The following ANKRD12 variants were observed in gnomAD, a reference collection of about 807,000 sequenced individuals.
ANKRD12 encodes ankyrin repeat domain 12, also known as ankyrin repeat domain-containing protein 12.
Under a neutral mutation model 183.4 loss-of-function variants are expected in ANKRD12, and 85 were observed. That is an observed-to-expected ratio of 0.46 (90% CI 0.39 to 0.56). The LOEUF (loss-of-function observed/expected upper bound fraction) is 0.56, where lower values mean the gene tolerates loss of function less well. Among genes scored for constraint, ANKRD12 ranks in the 20% least tolerant of loss-of-function variants. The probability of loss-of-function intolerance (pLI) is 0.00; values close to 1 mark genes in which losing one functional copy is unlikely to be tolerated. For missense variants in ANKRD12, 2,405 were observed against 2,357.1 expected, an observed-to-expected ratio of 1.02 and a Z score of -0.42; for synonymous variants, 914 against 800.2, an observed-to-expected ratio of 1.14 and a Z score of -2.40.
intron 1 of ANKRD12, among the ~76,000 whole-genome samples, chr18:9,155,347 C>T (rs1296025771): frequency 6.6e-6 from 1 of 152,090 alleles, no homozygotes; most frequent in East Asian, 1.9e-4. Flanking sequence ...AAAAATGCGC[C>T]ATAATTTGTT....
intron 8 of ANKRD12, among the ~76,000 whole-genome samples, chr18:9,226,012 G>C (rs1305747191): frequency 6.6e-6 from 1 of 152,092 alleles, no homozygotes; most frequent in Non-Finnish European, 1.5e-5. Flanking sequence ...TTTCATTAGA[G>C]TTTAAATTTT....
chr18:9,219,432 A>G (rs1463379112), intron 7 of ANKRD12, among the ~76,000 whole-genome samples: 2 of 152,214 alleles, frequency 1.3e-5, no homozygotes, highest in Non-Finnish European at 1.5e-5. Flanking sequence ...TAGACCCACA[A>G]GGGCAAAGAA....
intron 1 of ANKRD12, among the ~76,000 whole-genome samples, chr18:9,174,833 A>G (rs2033104792): frequency 8.3e-6 from 1 of 121,030 alleles, no homozygotes; most frequent in Non-Finnish European, 1.9e-5. Context: ...ACAGGTGGAA[A>G]CTGAGGAATA....
At chr18:9,275,742 C>A in intron 11 of ANKRD12, 75 bp downstream of exon 11, 1 of 1,357,272 alleles carries the variant, frequency 7.4e-7, no homozygotes, top group Non-Finnish European at 9.8e-7. Context: ...AATCTATTTC[C>A]ATAGAAAGAA....
intron 1 of ANKRD12, among the ~76,000 whole-genome samples, chr18:9,145,452 A>G (rs899228476): frequency 6.6e-6 from 1 of 152,234 alleles, no homozygotes; most frequent in African/African-American, 2.4e-5. Flanking sequence ...TCAGGAAACA[A>G]AATACACACA....
chr18:9,174,097 G>C (rs1466374992), intron 1 of ANKRD12, among the ~76,000 whole-genome samples: 1 of 152,234 alleles, frequency 6.6e-6, no homozygotes, highest in African/African-American at 2.4e-5. Context: ...TGGCACAGCA[G>C]CTGTGCTGCC....
intron 8 of ANKRD12, among the ~76,000 whole-genome samples, chr18:9,250,391 C>T (rs1321674463): frequency 6.6e-6 from 1 of 152,038 alleles, no homozygotes; most frequent in Non-Finnish European, 1.5e-5. Context: ...TGAGCTGAGA[C>T]AGTAGTAGTG....
At chr18:9,177,151 C>G (rs753757183) in intron 1 of ANKRD12, among the ~76,000 whole-genome samples, 11 of 152,184 alleles carry the variant, frequency 7.2e-5, no homozygotes, top group Non-Finnish European at 1.5e-5. Context: ...TATTAATATA[C>G]TCTGTGCAGC....
At chr18:9,270,892 T>A (rs1213326568) in intron 10 of ANKRD12, among the ~76,000 whole-genome samples, 1 of 152,246 alleles carries the variant, frequency 6.6e-6, no homozygotes, top group Non-Finnish European at 1.5e-5. Flanking sequence ...CAACTTTAAA[T>A]GTCTGACTGA....
At chr18:9,268,910 C>G (rs1439058277) in intron 10 of ANKRD12, among the ~76,000 whole-genome samples, 2 of 152,184 alleles carry the variant, frequency 1.3e-5, no homozygotes, top group Non-Finnish European at 2.9e-5. Flanking sequence ...AGCTGATAAC[C>G]AACTTCAGCA....
rs183036575 is a variant in ANKRD12 at position 9,188,330 on chromosome 18, A to G, written c.87+5811A>G. Among the ~76,000 whole-genome samples the G allele has an allele frequency of 4.9e-3, 733 of 150,428 alleles. 4 individuals carry two copies. Among genetic ancestry groups the G allele is most frequent in the Admixed American group, 8.0e-3 (122 of 15,196 alleles). Reference sequence around the variant, plus strand: ...TTTCCCTAGAAGGAGACATTATTACACTGGACAGCAAACAGGTATGTCCTT... The same window carrying G: ...TTTCCCTAGAAGGAGACATTATTACGCTGGACAGCAAACAGGTATGTCCTT... On this transcript the variant is annotated intron_variant, in intron 2 of 12. Coordinates refer to ENST00000262126, the MANE Select transcript of ANKRD12 (RefSeq NM_015208.5).
chr18:9,184,745 G>A (rs2033934138), intron 2 of ANKRD12, among the ~76,000 whole-genome samples: 1 of 152,100 alleles, frequency 6.6e-6, no homozygotes, highest in Non-Finnish European at 1.5e-5. Flanking sequence ...ATACAATTCA[G>A]TTGTTTTTAT....
rs2040194865 is a variant in ANKRD12, at chr18:9,285,167, C to CCACT, written c.*4042_*4045dup. The CCACT allele has an allele frequency of 1.3e-5, 2 of 151,452 alleles. No individual in the cohort carries two copies. Among genetic ancestry groups the CCACT allele is most frequent in the South Asian group, 4.2e-4 (2 of 4,800 alleles). 9.4% of individuals were successfully genotyped at this position (151,452 alleles called of 1,614,324 possible). ...GAGCTTGCAGTGAGCCGAGATCGTGCCACTGCACTCCAGCCTGGGCGACAG... is the reference window on the plus strand; with the variant it reads ...GAGCTTGCAGTGAGCCGAGATCGTGCCACTCACTGCACTCCAGCCTGGGCGACAG... On this transcript the variant is annotated 3_prime_UTR_variant, in exon 13 of 13. Transcript: ENST00000262126.
At chr18:9,187,548 A>G (rs1309493326) in intron 2 of ANKRD12, among the ~76,000 whole-genome samples, 1 of 152,248 alleles carries the variant, frequency 6.6e-6, no homozygotes, top group African/African-American at 2.4e-5. Context: ...AAATTCATTT[A>G]AGTAGAGCAT....
rs1421337234 is a variant in ANKRD12 at position 9,281,346 on chromosome 18, G to C, written c.*220G>C. On this transcript the variant is annotated 3_prime_UTR_variant, in exon 13 of 13. Transcript: ENST00000262126. ...CTAATAGAAAACTATTATTTATATT[G>C]GGAAAGGTAACTATTGCATTAGAGC... The C allele has an allele frequency of 2.5e-6, 1 of 394,596 alleles. No individual in the cohort carries two copies. The highest frequency in any genetic ancestry group is 2.1e-5 in the African/African-American group (1 of 47,534). The allele number at this position is 394,596 out of a possible 1,614,324, so 24.4% of individuals were successfully genotyped here.
At chr18:9,199,707 T>C (rs1362778696) in intron 3 of ANKRD12, among the ~76,000 whole-genome samples, 1 of 152,220 alleles carries the variant, frequency 6.6e-6, no homozygotes, top group Non-Finnish European at 1.5e-5. Flanking sequence ...GTGTCTTTTA[T>C]AAAGAAGCAA....
In ANKRD12 at chr18:9,274,704, C is replaced by G. The variant is rs184331125; in HGVS notation, c.5764-820C>G. Among the ~76,000 whole-genome samples, 171 of 152,240 alleles carry G rather than the reference C, an allele frequency of 1.1e-3. 2 individuals carry two copies. Among genetic ancestry groups the G allele is most frequent in the African/African-American group, 3.9e-3 (163 of 41,540 alleles). ...GAAAAATAATTTAAAAATAGAGAAA[C>G]TGGTAGTTTTGGAGAGAGAAAATGT... On this transcript the variant is annotated intron_variant, in intron 10 of 12. Transcript: ENST00000262126.
intron 8 of ANKRD12, among the ~76,000 whole-genome samples, chr18:9,250,560 AAAG>A (rs1270140030): frequency 3.9e-4 from 60 of 152,132 alleles, no homozygotes; most frequent in African/African-American, 1.4e-3. Flanking sequence ...CTCCACAAAA[AAAG>A]AAGAAACTAG....
intron 1 of ANKRD12, among the ~76,000 whole-genome samples, chr18:9,154,462 C>T (rs1465754340): frequency 6.6e-6 from 1 of 152,090 alleles, no homozygotes; most frequent in African/African-American, 2.4e-5. Flanking sequence ...GAAGCACACA[C>T]CTGTACTCCT....
Sources: allele counts gnomAD v4.1 joint callset (sites outside exome capture counted in the v4.1 genomes callset), GRCh38; gene constraint gnomAD v4.1.1; transcripts MANE v1.5; gene names NCBI Gene and HGNC (gene_info 2026-07-23, HGNC 2026-07-21).